Variants in ERI1 observed in about 807,000 individuals in gnomAD.
ERI1 encodes exoribonuclease 1.
Under a neutral mutation model 39.7 loss-of-function variants are expected in ERI1, and 39 were observed. The observed-to-expected ratio is 0.98, with a 90% CI of 0.76 to 1.28. The LOEUF (loss-of-function observed/expected upper bound fraction) is 1.28, where lower values mean the gene tolerates loss of function less well. ERI1 is among the 50% of genes most tolerant of loss of function. The pLI, the probability that ERI1 is intolerant of heterozygous loss-of-function variation, is 0.00. For missense variants in ERI1, 581 were observed against 416.9 expected (o/e 1.39, Z -3.43); for synonymous variants, 204 against 149.6 (o/e 1.36, Z -2.65).
chr8:9,087,839 A>G (rs1477453390), intron 3 of ERI1, among the ~76,000 whole-genome samples: 1 of 152,034 alleles, frequency 6.6e-6, no homozygotes, highest in Admixed American at 6.6e-5. Context: ...CACATTAAGG[A>G]CCCCTTGCTT....
At chr8:9,085,519 T>C (rs1799496738) in intron 3 of ERI1, among the ~76,000 whole-genome samples, 1 of 151,948 alleles carries the variant, frequency 6.6e-6, no homozygotes, top group Non-Finnish European at 1.5e-5. Flanking sequence ...TACCATCTTT[T>C]TTTATAAATA....
chr8:9,071,191 T>C (rs1799038577), intron 3 of ERI1, among the ~76,000 whole-genome samples: 1 of 152,246 alleles, frequency 6.6e-6, no homozygotes, highest in South Asian at 2.1e-4. Context: ...GATGATTGCA[T>C]TGTTATAGAC....
chr8:9,035,000 A>T (rs1797796610), downstream of ERI1, among the ~76,000 whole-genome samples: 1 of 152,236 alleles, frequency 6.6e-6, no homozygotes, highest in Admixed American at 6.5e-5. Context: ...CCAAAGCCTA[A>T]TCTAGAGCAA....
rs182473488 is a variant in ERI1, at chr8:9,070,329, G to C, written n.300-46019G>C. On this transcript the variant is annotated intron_variant and non_coding_transcript_variant, in intron 3 of 3. Coordinates refer to the ERI1 transcript ENST00000518663. ...AATAACATATATGTCTAAAAATGGA[G>C]TAGTCTAAAGAAGCAGGGTGTGGTG... Among the ~76,000 whole-genome samples, 3 of 151,920 alleles carry C rather than the reference G, an allele frequency of 2.0e-5. No individual in the cohort carries two copies. The East Asian group carries it at 5.8e-4, about 29-fold the overall frequency.
intron 3 of ERI1, among the ~76,000 whole-genome samples, chr8:9,041,665 CTA>C (rs1336381801): frequency 3.9e-5 from 6 of 152,306 alleles, no homozygotes; most frequent in African/African-American, 1.4e-4. Context: ...GTACCAAAAC[CTA>C]TGAGACCTAG....
intron 2 of ERI1, chr8:9,008,990 A>C: frequency 2.2e-6 from 1 of 456,286 alleles, no homozygotes; most frequent in Non-Finnish European, 4.4e-6. Context: ...ATGTATGAAG[A>C]AATTTTTGAC....
Position 9,030,155 on chromosome 8 carries a change from A to G in ERI1, c.*121A>G. On this transcript the variant is annotated 3_prime_UTR_variant, in exon 7 of 7. Coordinates refer to ENST00000250263, the MANE Select transcript of ERI1 (RefSeq NM_153332.4). ...ACCTTAAAACATTTAAAATCTTATT[A>G]CAGGTGATAGAGATAGATACATGTA... The G allele has an allele frequency of 7.7e-7, 1 of 1,298,308 alleles. No homozygotes were observed. The highest frequency in any genetic ancestry group is 1.1e-6 in the Non-Finnish European group (1 of 950,764). The allele number at this position is 1,298,308 out of a possible 1,614,324, so 80.4% of individuals were successfully genotyped here. A position where few individuals can be genotyped will look rare whatever the true frequency, so the allele number is the denominator to read the frequency against.
At chr8:9,043,550 G>C (rs1052578505) in intron 3 of ERI1, among the ~76,000 whole-genome samples, 10 of 152,236 alleles carry the variant, frequency 6.6e-5, no homozygotes, top group Non-Finnish European at 1.3e-4. Flanking sequence ...AGGCAGATGA[G>C]ATGCAAATAG....
At chr8:9,054,238 C>T (rs192960447) in intron 3 of ERI1, among the ~76,000 whole-genome samples, 289 of 152,282 alleles carry the variant, frequency 1.9e-3, no homozygotes, top group Admixed American at 2.4e-3. Flanking sequence ...TGGCAGGCTC[C>T]CATTAGAAAA....
At chr8:9,079,719 G>C (rs112106548) in intron 3 of ERI1, among the ~76,000 whole-genome samples, 7,634 of 152,200 alleles carry the variant, frequency 0.05, 580 homozygotes, top group African/African-American at 0.16. Context: ...TGTCATCCAG[G>C]CTGGAGTGCA....
chr8:9,089,084 C>T (rs1008403642), intron 3 of ERI1, among the ~76,000 whole-genome samples: 1 of 152,206 alleles, frequency 6.6e-6, no homozygotes, highest in Non-Finnish European at 1.5e-5. Context: ...TTCGCCATCA[C>T]TAAGGCTCGG....
chr8:9,028,875 T>C (rs1797380495), intron 6 of ERI1, among the ~76,000 whole-genome samples: 1 of 151,902 alleles, frequency 6.6e-6, no homozygotes, highest in Admixed American at 6.6e-5. Context: ...CCACCTGCCT[T>C]GGCCTCCCAA....
At chr8:9,028,624 T>A (rs1797358756) in intron 6 of ERI1, among the ~76,000 whole-genome samples, 1 of 145,816 alleles carries the variant, frequency 6.9e-6, no homozygotes, top group East Asian at 1.9e-4. Flanking sequence ...AATATAACAA[T>A]TTTTTTTTTC....
At chr8:9,007,653 C>G (rs899458178) in intron 1 of ERI1, among the ~76,000 whole-genome samples, 8 of 152,304 alleles carry the variant, frequency 5.3e-5, no homozygotes, top group African/African-American at 1.9e-4. Context: ...CAAAGTCATG[C>G]TGCTATTTCT....
At chr8:9,092,529 G>A (rs80271236) in intron 3 of ERI1, among the ~76,000 whole-genome samples, 5,886 of 152,260 alleles carry the variant, frequency 0.039, 170 homozygotes, top group Non-Finnish European at 0.059. Context: ...TAAACAGATA[G>A]GGAACATCAC....
rs59977121 is a variant in ERI1 at position 9,028,982 on chromosome 8, T to TG, written c.808-810_808-809insG. On this transcript the variant is annotated intron_variant, in intron 6 of 6. Coordinates refer to ENST00000250263, the MANE Select transcript of ERI1 (RefSeq NM_153332.4). ...TTTGGGGAGTGTGAGAGTTTTTTTT[T>TG]TTTTTTTTTTTTTTTAACTTATCAA... 5.0e-3 allele frequency among the ~76,000 whole-genome samples: 755 copies of TG among 150,278 alleles called. 4 individuals carry two copies. The highest frequency in any genetic ancestry group is 0.017 in the African/African-American group (687 of 40,960).
intron 3 of ERI1, among the ~76,000 whole-genome samples, chr8:9,097,184 C>A (rs1173153785): frequency 6.6e-6 from 1 of 152,126 alleles, no homozygotes; most frequent in Admixed American, 6.5e-5. Context: ...ATTCAATCCC[C>A]AGCGCTTTCT....
intron 4 of ERI1, among the ~76,000 whole-genome samples, chr8:9,017,228 A>G (rs943103617): frequency 6.6e-6 from 1 of 151,804 alleles, no homozygotes; most frequent in Non-Finnish European, 1.5e-5. Context: ...TTTTTAGTAG[A>G]GACGGGTTTC....
At chr8:9,005,639 T>C (rs59137033) in intron 1 of ERI1, among the ~76,000 whole-genome samples, 56 of 151,100 alleles carry the variant, frequency 3.7e-4, no homozygotes, top group Non-Finnish European at 6.6e-4. Flanking sequence ...CTCAGCCTCC[T>C]GAGTAGCTGG....
Sources: allele counts gnomAD v4.1 joint callset (sites outside exome capture counted in the v4.1 genomes callset), GRCh38; gene constraint gnomAD v4.1.1; transcripts MANE v1.5; gene names NCBI Gene and HGNC (gene_info 2026-07-23, HGNC 2026-07-21).